The following ZDHHC3 variants were observed in gnomAD, a reference collection of about 807,000 sequenced individuals.
ZDHHC3 encodes zDHHC palmitoyltransferase 3.
A neutral mutation model predicts 30.6 loss-of-function variants in ZDHHC3; 9 were observed. The ratio of observed to expected loss-of-function variants is 0.29; its 90% confidence interval spans 0.18 to 0.51. The LOEUF is 0.51. ZDHHC3 is among the 20% of genes least tolerant of loss of function. The pLI is 0.97. For synonymous variants in ZDHHC3, 136 were observed against 140.2 expected, an observed-to-expected ratio of 0.97 and a Z score of 0.21; for missense variants, 246 against 384.2, an observed-to-expected ratio of 0.64 and a Z score of 3.01.
Position 44,933,233 on chromosome 3 carries a change from G to A in ZDHHC3, c.529-34C>T. ...GGAAACCAGTGCAGACACCATTGTT[G>A]TGAGAATCCTCTGACCTCACGGGCT... is the stretch of plus-strand genomic sequence containing the variant. On this transcript the variant is annotated intron_variant, in intron 4 of 6. Coordinates refer to ENST00000424952, the MANE Select transcript of ZDHHC3 (RefSeq NM_001135179.2). 9 of 1,602,720 alleles carry A rather than the reference G, an allele frequency of 5.6e-6. No individual in the cohort carries two copies. The South Asian group carries it at 9.9e-5, about 18-fold the overall frequency.
intron 1 of ZDHHC3, among the ~76,000 whole-genome samples, chr3:44,968,508 A>C (rs1429742950): frequency 6.6e-6 from 1 of 152,142 alleles, no homozygotes; most frequent in Non-Finnish European, 1.5e-5. Context: ...TAGCCTGGGC[A>C]ATATAGCGAG....
At chr3:44,940,854 G>A (rs571809363) in intron 3 of ZDHHC3, among the ~76,000 whole-genome samples, 1 of 152,300 alleles carries the variant, frequency 6.6e-6, no homozygotes, top group Admixed American at 6.5e-5. Flanking sequence ...GCTGGCCGAG[G>A]CTCTCTTGCT....
In ZDHHC3 at chr3:44,937,719, G is replaced by C. The variant is rs78411604; in HGVS notation, c.432-3735C>G. 6.6e-3 allele frequency: 1,487 copies of C among 223,936 alleles called. 24 individuals are homozygous for C. The highest frequency in any genetic ancestry group is 0.03 in the African/African-American group (1,326 of 43,944). The allele number at this position is 223,936 out of a possible 1,614,324, so 13.9% of individuals were successfully genotyped here. On this transcript the variant is annotated intron_variant, in intron 3 of 6. Transcript: ENST00000424952. ...AATGAGATCAAAGTTGTATAGCTGAGGAACACCAGGAGTGAAGTCAGTGCC... is the reference window on the plus strand; with the variant it reads ...AATGAGATCAAAGTTGTATAGCTGACGAACACCAGGAGTGAAGTCAGTGCC...
At chr3:44,944,305 C>A (rs1339364963) in intron 3 of ZDHHC3, among the ~76,000 whole-genome samples, 1 of 152,184 alleles carries the variant, frequency 6.6e-6, no homozygotes, top group African/African-American at 2.4e-5. Context: ...TGCCACCACG[C>A]CCGGCTAATT....
chr3:44,976,144 CGCGGCTGCAGGAGCG>C lies in ZDHHC3; in HGVS notation c.-251_-237del. On this transcript the variant is annotated 5_prime_UTR_variant, in exon 1 of 7. Transcript: ENST00000424952. ...GAGCTCTCCCGGCAGTGGCGGCGGC[CGCGGCTGCAGGAGCG>C]GCCGCCGCGCAGGTTGATGACGCGC... The C allele has an allele frequency of 1.5e-6, 1 of 685,452 alleles. No homozygotes were observed. Among genetic ancestry groups the C allele is most frequent in the Non-Finnish European group, 2.1e-6 (1 of 472,658 alleles). The allele number at this position is 685,452 out of a possible 1,614,324, so 42.5% of individuals were successfully genotyped here.
intron 2 of ZDHHC3, among the ~76,000 whole-genome samples, chr3:44,946,586 G>A (rs1342196431): frequency 6.6e-6 from 1 of 152,198 alleles, no homozygotes. Context: ...GAGCACAGAG[G>A]AGCCAGCAGC....
intron 3 of ZDHHC3, among the ~76,000 whole-genome samples, chr3:44,939,041 A>G (rs1199161576): frequency 6.6e-6 from 1 of 152,186 alleles, no homozygotes; most frequent in Admixed American, 6.5e-5. Flanking sequence ...CGATGTGTGG[A>G]TTCATACTGG....
Position 44,924,606 on chromosome 3 carries a change from T to G in ZDHHC3, c.*2083A>C, listed in dbSNP as rs750933924. 2 of 985,442 alleles carry G rather than the reference T, an allele frequency of 2.0e-6. No homozygotes were observed. Among genetic ancestry groups the G allele is most frequent in the Non-Finnish European group, 2.4e-6 (2 of 829,940 alleles). The allele number at this position is 985,442 out of a possible 1,614,324, so 61.0% of individuals were successfully genotyped here. On this transcript the variant is annotated 3_prime_UTR_variant, in exon 7 of 7. Coordinates refer to ENST00000424952, the MANE Select transcript of ZDHHC3 (RefSeq NM_001135179.2). ...TCTTCAGCACTATCTACTGCATTCC[T>G]GAGAAATGCCAGGGGAAAAGAGCTA... is the stretch of plus-strand genomic sequence containing the variant.
In ZDHHC3 at chr3:44,945,204, C is replaced by G; in HGVS notation, c.395G>C (p.Cys132Ser). 1 of 1,614,130 alleles carries G rather than the reference C, an allele frequency of 6.2e-7. No individual in the cohort carries two copies. The highest frequency in any genetic ancestry group is 1.1e-5 in the South Asian group (1 of 91,082). Residue 132 changes from cysteine to serine, a missense_variant, in exon 3 of 7, where the codon TGC (cysteine) becomes TCC (serine). By Grantham distance (112) the Cys-to-Ser change is moderately radical. Transcript: ENST00000424952. ...GGCTCGGTCGGGCTTGATGCTGCAG[C>G]ATTTGGGGCACTTGTACACCACCTG... Reference protein sequence around the residue: ...PGQVVYKCPKCCSIKPDRAHH... With the variant: ...PGQVVYKCPKSCSIKPDRAHH...
rs542494187 is a variant in ZDHHC3 at position 44,959,355 on chromosome 3, G to A, written c.82C>T (p.Pro28Ser). 6.8e-6 allele frequency: 11 copies of A among 1,614,228 alleles called. No individual in the cohort carries two copies. The highest frequency in any genetic ancestry group is 5.3e-5 in the African/African-American group (4 of 75,078). The change falls in exon 2 of 7, where the codon CCC becomes TCC. Residue 28 changes from proline to serine, a missense_variant. Pro to Ser is a moderately conservative substitution (Grantham distance 74). Transcript: ENST00000424952. The surrounding 1 kb of genome is among the most constrained non-coding windows in gnomAD (Gnocchi z 4.3). Reference protein sequence around the residue: ...YLQPEKCVPPPYPGPVGTMWF... With the variant: ...YLQPEKCVPPSYPGPVGTMWF... ...ATGGTTCCCACAGGACCAGGGTAGG[G>A]GGGTGGGACACACTTCTCTGGCTGG...
At chr3:44,942,534 G>A (rs188071456) in intron 3 of ZDHHC3, among the ~76,000 whole-genome samples, 3 of 152,322 alleles carry the variant, frequency 2.0e-5, no homozygotes, top group Admixed American at 1.3e-4. Flanking sequence ...AGGCGGTGGA[G>A]GCAGCTGAGG....
Position 44,922,302 on chromosome 3 carries a change from C to T in ZDHHC3, c.*4387G>A, listed in dbSNP as rs1454920037. 1.3e-5 allele frequency: 13 copies of T among 985,328 alleles called. No individual in the cohort carries two copies. The Admixed American group carries it at 1.8e-4, about 14-fold the overall frequency. The allele number at this position is 985,328 out of a possible 1,614,324, so 61.0% of individuals were successfully genotyped here. ...CCCTGGCTCTAGACTACTCACCGGCCGCCGCTCCCATCTGGAGGTCCCTTG... is the reference window on the plus strand; with the variant it reads ...CCCTGGCTCTAGACTACTCACCGGCTGCCGCTCCCATCTGGAGGTCCCTTG... On this transcript the variant is annotated 3_prime_UTR_variant, in exon 7 of 7. Coordinates refer to ENST00000424952, the MANE Select transcript of ZDHHC3 (RefSeq NM_001135179.2).
intron 1 of ZDHHC3, among the ~76,000 whole-genome samples, chr3:44,960,832 T>C (rs1385003797): frequency 6.6e-6 from 1 of 152,216 alleles, no homozygotes; most frequent in Non-Finnish European, 1.5e-5. Context: ...GCTTTCGGTA[T>C]TGTTATGAAC....
Position 44,919,142 on chromosome 3 carries a change from A to C in ZDHHC3, c.*7547T>G, listed in dbSNP as rs1700420126. ...AATTGGATCTCAAAAGTATATCCTC[A>C]TAAGATACTTATCAATTACAAAGGG... On this transcript the variant is annotated 3_prime_UTR_variant, in exon 7 of 7. Transcript: ENST00000424952. 2.1e-6 allele frequency: 2 copies of C among 969,952 alleles called. No individual in the cohort carries two copies. Among genetic ancestry groups the C allele is most frequent in the Non-Finnish European group, 2.5e-6 (2 of 816,234 alleles). The allele number at this position is 969,952 out of a possible 1,614,324, so 60.1% of individuals were successfully genotyped here.
In ZDHHC3 at chr3:44,919,893, T is replaced by G; in HGVS notation, c.*6796A>C. 9.7e-7 allele frequency: 1 copy of G among 1,032,718 alleles called. No individual in the cohort carries two copies. Among genetic ancestry groups the G allele is most frequent in the Non-Finnish European group, 1.2e-6 (1 of 855,644 alleles). 64.0% of individuals were successfully genotyped at this position (1,032,718 alleles called of 1,614,324 possible). ...AGACAAAGATTTATGCAATACAAAC[T>G]TGAACACTGAATTATAATAATGCAA... On this transcript the variant is annotated 3_prime_UTR_variant, in exon 7 of 7. Transcript: ENST00000424952.
chr3:44,952,778 G>C (rs546457269), intron 2 of ZDHHC3, among the ~76,000 whole-genome samples: 1 of 152,270 alleles, frequency 6.6e-6, no homozygotes, highest in Non-Finnish European at 1.5e-5. Flanking sequence ...ATGCACCCAG[G>C]GATCACCTTC....
In ZDHHC3 at chr3:44,924,069, T is replaced by TC. The variant is rs1700802020; in HGVS notation, c.*2619dup. On this transcript the variant is annotated 3_prime_UTR_variant, in exon 7 of 7. Coordinates refer to ENST00000424952, the MANE Select transcript of ZDHHC3 (RefSeq NM_001135179.2). ...CCACATCTTTATTTTTCACTTCCACTCCCCAGAGCCCAGGCTCTGAAAGAC... is the reference window on the plus strand; with the variant it reads ...CCACATCTTTATTTTTCACTTCCACTCCCCCAGAGCCCAGGCTCTGAAAGAC... The TC allele has an allele frequency of 1.0e-6, 1 of 985,272 alleles. No individual in the cohort carries two copies. Among genetic ancestry groups the TC allele is most frequent in the East Asian group, 1.1e-4 (1 of 8,832 alleles). The allele number at this position is 985,272 out of a possible 1,614,324, so 61.0% of individuals were successfully genotyped here. A position where few individuals can be genotyped will look rare whatever the true frequency, so the allele number is the denominator to read the frequency against.
At chr3:44,943,218 G>A (rs992969655) in intron 3 of ZDHHC3, among the ~76,000 whole-genome samples, 1 of 152,194 alleles carries the variant, frequency 6.6e-6, no homozygotes, top group Non-Finnish European at 1.5e-5. Flanking sequence ...TCCCCAAACT[G>A]GAGTTCCTGT....
At position 44,925,511 on chromosome 3, in the gene ZDHHC3, G is replaced by A; in HGVS notation, c.*1178C>T. Reference sequence around the variant, plus strand: ...TTCAAACAAGACTGACACAGGAAGTGCCTCTCAAATGGAAAATCTATTCTG... The same window carrying A: ...TTCAAACAAGACTGACACAGGAAGTACCTCTCAAATGGAAAATCTATTCTG... On this transcript the variant is annotated 3_prime_UTR_variant, in exon 7 of 7. Coordinates refer to ENST00000424952, the MANE Select transcript of ZDHHC3 (RefSeq NM_001135179.2). 1.0e-6 allele frequency: 1 copy of A among 985,470 alleles called. No homozygotes were observed. Among genetic ancestry groups the A allele is most frequent in the Non-Finnish European group, 1.2e-6 (1 of 829,934 alleles). The allele number at this position is 985,470 out of a possible 1,614,324, so 61.0% of individuals were successfully genotyped here.
Sources: gnomAD v4.1 joint callset for allele counts (sites outside exome capture counted in the v4.1 genomes callset) on GRCh38, gnomAD v4.1.1 for gene constraint, Gnocchi (gnomAD v3.1) non-coding constraint, MANE v1.5 for transcripts, NCBI Gene and HGNC (gene_info 2026-07-23, HGNC 2026-07-21) for gene names.